Variants in LINGO2 observed in about 807,000 individuals in gnomAD.
The protein encoded by LINGO2 is leucine rich repeat and Ig domain containing 2, also known as leucine-rich repeat and immunoglobulin-like domain-containing nogo receptor-interacting protein 2.
In LINGO2, 14 loss-of-function variants were observed where a neutral mutation model predicts 30.6. The ratio of observed to expected loss-of-function variants is 0.46; its 90% CI spans 0.30 to 0.72. The LOEUF is 0.72. Ranked by LOEUF, LINGO2 falls within the 30% of genes least tolerant of loss-of-function variation. The pLI is 0.07. For synonymous variants in LINGO2, 317 were observed against 288.5 expected (o/e 1.10, Z -1.00); for missense variants, 729 against 751.7 (o/e 0.97, Z 0.35).
the LINGO2 span, among the ~76,000 whole-genome samples, chr9:29,145,001 G>A: frequency 8.6e-5 from 13 of 152,002 alleles, no homozygotes; most frequent in Non-Finnish European, 1.5e-4. Context: ...TTTTGGATGC[G>A]TTTGGAACAA....
chr9:28,628,562 A>G (rs1563875312), intron 1 of LINGO2, among the ~76,000 whole-genome samples: 2 of 152,102 alleles, frequency 1.3e-5, no homozygotes, highest in East Asian at 1.9e-4. Context: ...CAAGGCTTTT[A>G]TTTTGGGGGC....
chr9:28,966,632 G>A, the LINGO2 span, among the ~76,000 whole-genome samples: 10 of 152,138 alleles, frequency 6.6e-5, no homozygotes, highest in East Asian at 1.9e-4. Flanking sequence ...GTCACTTAGC[G>A]TATGGTAGAG....
chr9:28,495,222 T>G (rs1315578159), intron 1 of LINGO2, among the ~76,000 whole-genome samples: 3 of 152,196 alleles, frequency 2.0e-5, no homozygotes, highest in Non-Finnish European at 2.9e-5. Flanking sequence ...TTAGTTTAAT[T>G]AGATCCCATT....
intron 4 of LINGO2, among the ~76,000 whole-genome samples, chr9:28,183,804 A>G (rs1347007578): frequency 6.6e-6 from 1 of 152,210 alleles, no homozygotes; most frequent in Non-Finnish European, 1.5e-5. Context: ...GCTATTTTGG[A>G]AGGCCATAGC....
In LINGO2 at chr9:28,273,273, A is replaced by G; in HGVS notation, c.-87+21935T>C. ...TTATTGAATGCAGCCTCAATAAATA[A>G]AGTTACTTATTGTCCTATTTACACT... On this transcript the variant is annotated intron_variant, in intron 4 of 5. Coordinates refer to ENST00000379992, the Ensembl canonical transcript of LINGO2. Among the ~76,000 whole-genome samples, 2 of 152,206 alleles carry G rather than the reference A, an allele frequency of 1.3e-5. 1 individual carries two copies. Among genetic ancestry groups the G allele is most frequent in the East Asian group, 3.8e-4 (2 of 5,198 alleles).
intron 5 of LINGO2, among the ~76,000 whole-genome samples, chr9:27,953,895 T>C (rs1179606474): frequency 6.6e-6 from 1 of 152,164 alleles, no homozygotes; most frequent in Non-Finnish European, 1.5e-5. Context: ...TATACATACA[T>C]GTATGAAAGG....
intron 4 of LINGO2, among the ~76,000 whole-genome samples, chr9:28,218,568 C>T (rs565270908): frequency 1.2e-4 from 19 of 152,212 alleles, no homozygotes; most frequent in Non-Finnish European, 5.9e-5. Context: ...CCCAATATCC[C>T]GTGCCACAAC....
intron 3 of LINGO2, among the ~76,000 whole-genome samples, chr9:28,322,278 T>G (rs1411296985): frequency 6.6e-6 from 1 of 152,206 alleles, no homozygotes; most frequent in Non-Finnish European, 1.5e-5. Context: ...AGGTTTTCAC[T>G]GATCACCCAA....
chr9:28,634,343 G>A (rs955379146), intron 1 of LINGO2, among the ~76,000 whole-genome samples: 4 of 151,912 alleles, frequency 2.6e-5, no homozygotes, highest in African/African-American at 9.7e-5. Flanking sequence ...TTCTCTAGAG[G>A]TCCATGCAGA....
chr9:29,114,770 A>G, the LINGO2 span, among the ~76,000 whole-genome samples: 1 of 151,324 alleles, frequency 6.6e-6, no homozygotes, highest in Non-Finnish European at 1.5e-5. Context: ...TCCATGGTGT[A>G]TATGTGCCAT....
At chr9:28,269,466 T>C (rs1822866777) in intron 4 of LINGO2, among the ~76,000 whole-genome samples, 1 of 152,154 alleles carries the variant, frequency 6.6e-6, no homozygotes, top group Non-Finnish European at 1.5e-5. Context: ...TGTCACATTA[T>C]AAACGATAAC....
At chr9:28,302,533 T>G (rs1824187298) in intron 3 of LINGO2, among the ~76,000 whole-genome samples, 1 of 152,228 alleles carries the variant, frequency 6.6e-6, no homozygotes, top group Non-Finnish European at 1.5e-5. Flanking sequence ...TAGCTAGGCC[T>G]GGTGGCACAC....
chr9:28,900,236 G>A, the LINGO2 span, among the ~76,000 whole-genome samples: 3 of 152,132 alleles, frequency 2.0e-5, no homozygotes, highest in Non-Finnish European at 4.4e-5. Context: ...ACGGTTCCAG[G>A]CTCCAGTGGC....
chr9:28,731,054 G>A, the LINGO2 span, among the ~76,000 whole-genome samples: 3 of 151,912 alleles, frequency 2.0e-5, no homozygotes, highest in Non-Finnish European at 2.9e-5. Flanking sequence ...GCAATGGCAC[G>A]ATTTCGGCTC....
the LINGO2 span, among the ~76,000 whole-genome samples, chr9:28,904,777 CA>C: frequency 6.6e-6 from 1 of 151,916 alleles, no homozygotes; most frequent in East Asian, 1.9e-4. Context: ...CTACCCAAAG[CA>C]ATCTACAGAT....
At chr9:28,387,475 G>C (rs1367735243) in intron 2 of LINGO2, among the ~76,000 whole-genome samples, 6 of 152,212 alleles carry the variant, frequency 3.9e-5, no homozygotes, top group Non-Finnish European at 8.8e-5. Flanking sequence ...GCCAGCAGCA[G>C]CAACCTCCTG....
the LINGO2 span, among the ~76,000 whole-genome samples, chr9:28,868,912 C>T: frequency 2.0e-5 from 3 of 152,022 alleles, no homozygotes; most frequent in African/African-American, 7.2e-5. Context: ...ATTTAAGTGA[C>T]TATATACACA....
the LINGO2 span, among the ~76,000 whole-genome samples, chr9:28,802,164 G>T: frequency 2.0e-5 from 3 of 151,988 alleles, no homozygotes; most frequent in Admixed American, 1.3e-4. Context: ...AAATTCAAAA[G>T]TTGTATGTAT....
intron 4 of LINGO2, among the ~76,000 whole-genome samples, chr9:28,101,249 G>A (rs1826407532): frequency 6.6e-6 from 1 of 151,974 alleles, no homozygotes; most frequent in Non-Finnish European, 1.5e-5. Context: ...GACTATTGAT[G>A]GGGTGTCCAT....
Sources: allele counts gnomAD v4.1 joint callset (sites outside exome capture counted in the v4.1 genomes callset), GRCh38; gene constraint gnomAD v4.1.1; transcripts MANE v1.5; gene names NCBI Gene and HGNC (gene_info 2026-07-23, HGNC 2026-07-21).